The following ACAP2 variants were observed in gnomAD, a reference collection of about 807,000 sequenced individuals.
ACAP2 encodes the protein arf-GAP with coiled-coil, ANK repeat and PH domain-containing protein 2.
ACAP2 carries 39 observed loss-of-function variants against 115.8 expected under a neutral mutation model. The observed-to-expected ratio is 0.34, with a 90% CI of 0.26 to 0.44. ACAP2 has a LOEUF of 0.44. Among genes scored for constraint, ACAP2 ranks in the 20% least tolerant of loss-of-function variants. The pLI is 1.00. For missense variants in ACAP2, 662 were observed against 927.6 expected (o/e 0.71, Z 3.72); for synonymous variants, 289 against 315.8 (o/e 0.92, Z 0.90).
intron 4 of ACAP2, among the ~76,000 whole-genome samples, chr3:195,367,980 CA>C (rs1298720332): frequency 6.6e-6 from 1 of 152,194 alleles, no homozygotes; most frequent in African/African-American, 2.4e-5. Flanking sequence ...AGTTGTTAAA[CA>C]GTCAAAGTTA....
chr3:195,321,130 C>T (rs1729421652), intron 9 of ACAP2, among the ~76,000 whole-genome samples: 1 of 142,880 alleles, frequency 7.0e-6, no homozygotes, highest in Non-Finnish European at 1.5e-5. Context: ...ATTAAAAGCA[C>T]AAAATAATAT....
chr3:195,325,152 G>A (rs1451135576), intron 9 of ACAP2, among the ~76,000 whole-genome samples: 2 of 152,122 alleles, frequency 1.3e-5, no homozygotes, highest in Non-Finnish European at 2.9e-5. Flanking sequence ...CTCTCATATA[G>A]TGCTATCTGC....
chr3:195,311,081 G>T (rs1728731996), intron 10 of ACAP2, among the ~76,000 whole-genome samples: 1 of 140,730 alleles, frequency 7.1e-6, no homozygotes. Context: ...ACATTTCATT[G>T]TGGTTTTTTT....
chr3:195,407,666 C>G (rs1195934215), intron 1 of ACAP2, among the ~76,000 whole-genome samples: 1 of 152,122 alleles, frequency 6.6e-6, no homozygotes, highest in African/African-American at 2.4e-5. Flanking sequence ...CACTGCACTC[C>G]TGCCTGGGCA....
rs943129016 is a variant in ACAP2, at chr3:195,277,984, G to C, written c.*1344C>G. The C allele has an allele frequency of 6.6e-6, 1 of 152,072 alleles. No homozygotes were observed. The highest frequency in any genetic ancestry group is 2.4e-5 in the African/African-American group (1 of 41,430). 9.4% of individuals were successfully genotyped at this position (152,072 alleles called of 1,614,324 possible). On this transcript the variant is annotated 3_prime_UTR_variant, in exon 23 of 23. Transcript: ENST00000326793. ...TAGTCCCAGCTACTCGGGAGGCTGAGGCAGGAGAATTGCTTGAACCCAAGA... is the reference window on the plus strand; with the variant it reads ...TAGTCCCAGCTACTCGGGAGGCTGACGCAGGAGAATTGCTTGAACCCAAGA...
chr3:195,283,255 A>T (rs1020060595), intron 22 of ACAP2, among the ~76,000 whole-genome samples: 2 of 152,124 alleles, frequency 1.3e-5, no homozygotes, highest in Non-Finnish European at 1.5e-5. Context: ...CCTAAGGGCT[A>T]CTGGGACTGC....
At chr3:195,352,793 T>A (rs927221754) in intron 4 of ACAP2, among the ~76,000 whole-genome samples, 2 of 152,112 alleles carry the variant, frequency 1.3e-5, no homozygotes, top group African/African-American at 4.8e-5. Flanking sequence ...GACCAGGTTA[T>A]AAAAGGCATT....
chr3:195,280,651 GA>G (rs1177990943), intron 22 of ACAP2: 2 of 151,952 alleles, frequency 1.3e-5, no homozygotes, highest in Non-Finnish European at 2.9e-5. Flanking sequence ...TGTTTACCGA[GA>G]AATAGATTAT....
intron 21 of ACAP2, among the ~76,000 whole-genome samples, chr3:195,287,693 T>C (rs542415940): frequency 2.0e-5 from 3 of 152,296 alleles, no homozygotes; most frequent in African/African-American, 4.8e-5. Flanking sequence ...ATTACTAATA[T>C]CAATGCAACT....
intron 2 of ACAP2, among the ~76,000 whole-genome samples, chr3:195,385,643 G>T (rs1277760582): frequency 6.6e-6 from 1 of 151,990 alleles, no homozygotes. Flanking sequence ...TGAGAATGAA[G>T]AACAATGTGG....
At chr3:195,439,227 C>G (rs1306170228) in intron 1 of ACAP2, among the ~76,000 whole-genome samples, 2 of 138,066 alleles carry the variant, frequency 1.4e-5, no homozygotes, top group Non-Finnish European at 3.0e-5. Flanking sequence ...GAGAGAGAGT[C>G]TAGCTCTGTT....
At chr3:195,365,210 C>G (rs553525033) in intron 4 of ACAP2, among the ~76,000 whole-genome samples, 1 of 152,128 alleles carries the variant, frequency 6.6e-6, no homozygotes, top group African/African-American at 2.4e-5. Context: ...CTAGTATTTG[C>G]TAGCACAACA....
chr3:195,319,903 T>C (rs900299977), intron 10 of ACAP2, among the ~76,000 whole-genome samples: 3 of 152,186 alleles, frequency 2.0e-5, no homozygotes, highest in Non-Finnish European at 2.9e-5. Flanking sequence ...GGTTTGGCTC[T>C]GTATCCCCAC....
rs546343941 is a variant in ACAP2 at position 195,327,654 on chromosome 3, G to A, written c.670-695C>T. On this transcript the variant is annotated intron_variant, in intron 8 of 22. Transcript: ENST00000326793. Reference sequence around the variant, plus strand: ...CTTAATAAAACCATAAAACCTGGCCGGGCGCAGTGGCTCACACCTGTAATC... The same window carrying A: ...CTTAATAAAACCATAAAACCTGGCCAGGCGCAGTGGCTCACACCTGTAATC... Among the ~76,000 whole-genome samples the A allele has an allele frequency of 1.2e-4, 19 of 152,150 alleles. No homozygotes were observed. In the Middle Eastern group the frequency reaches 0.01, roughly 82 times the overall value.
chr3:195,435,120 A>T (rs1420826149), intron 1 of ACAP2, among the ~76,000 whole-genome samples: 1 of 149,686 alleles, frequency 6.7e-6, no homozygotes, highest in Non-Finnish European at 1.5e-5. Context: ...CGCTGCTTTG[A>T]GATTTGCTTA....
intron 1 of ACAP2, among the ~76,000 whole-genome samples, chr3:195,425,026 CAAAAAA>C (rs10690317): frequency 4.2e-3 from 113 of 26,628 alleles, no homozygotes; most frequent in Non-Finnish European, 5.5e-3. Context: ...GACTCCGTCT[CAAAAAA>C]AAAAAAAAAA....
intron 1 of ACAP2, among the ~76,000 whole-genome samples, chr3:195,416,774 T>C (rs139302241): frequency 6.6e-6 from 1 of 152,318 alleles, no homozygotes; most frequent in African/African-American, 2.4e-5. Flanking sequence ...TCAATTTGGT[T>C]GAATCTCACA....
intron 15 of ACAP2, among the ~76,000 whole-genome samples, chr3:195,301,167 G>C (rs143035359): frequency 0.02 from 2,961 of 151,576 alleles, 89 homozygotes; most frequent in African/African-American, 0.066. Context: ...CTCACTGCAA[G>C]CTCTGCCTCC....
intron 21 of ACAP2, among the ~76,000 whole-genome samples, chr3:195,288,182 A>G (rs1297148008): frequency 6.6e-6 from 1 of 152,202 alleles, no homozygotes; most frequent in Admixed American, 6.5e-5. Flanking sequence ...ATGGCTAAGA[A>G]CATGGGGAGC....
Sources: allele counts gnomAD v4.1 joint callset (sites outside exome capture counted in the v4.1 genomes callset), GRCh38; gene constraint gnomAD v4.1.1; transcripts MANE v1.5; gene names NCBI Gene and HGNC (gene_info 2026-07-23, HGNC 2026-07-21).